The following CNMD variants were observed in gnomAD, a reference collection of about 807,000 sequenced individuals.
CNMD encodes the protein leukocyte cell-derived chemotaxin 1.
In CNMD, 30 loss-of-function variants were observed where a neutral mutation model predicts 37.5. The observed-to-expected ratio is 0.80, with a 90% CI of 0.60 to 1.09. The LOEUF is 1.09. Among genes scored for constraint, CNMD ranks in the 50% least tolerant of loss-of-function variants. CNMD has a pLI of 0.00. For missense variants in CNMD, 398 were observed against 423.9 expected (o/e 0.94, Z 0.54); for synonymous variants, 167 against 148.2 (o/e 1.13, Z -0.92).
intron 6 of CNMD, among the ~76,000 whole-genome samples, chr13:52,707,612 C>CT (rs1180736190): frequency 3.9e-5 from 6 of 152,168 alleles, no homozygotes; most frequent in African/African-American, 1.4e-4. Flanking sequence ...AGAATACTTC[C>CT]ATTCCATATG....
At chr13:52,715,355 A>C (rs1405553909) in intron 4 of CNMD, among the ~76,000 whole-genome samples, 1 of 151,916 alleles carries the variant, frequency 6.6e-6, no homozygotes, top group African/African-American at 2.4e-5. Flanking sequence ...AACTGTTTTA[A>C]TTTTTTTAAA....
chr13:52,725,079 C>T (rs905263546), intron 3 of CNMD, among the ~76,000 whole-genome samples: 5 of 152,160 alleles, frequency 3.3e-5, no homozygotes, highest in Admixed American at 2.6e-4. Flanking sequence ...TCTATATTCA[C>T]AAGCTCAGAT....
chr13:52,709,969 C>T (rs1183770629), intron 5 of CNMD, among the ~76,000 whole-genome samples: 1 of 151,978 alleles, frequency 6.6e-6, no homozygotes, highest in African/African-American at 2.4e-5. Context: ...GAAACTCCAT[C>T]TCAAAAAAAA....
In CNMD at chr13:52,712,768, T is replaced by G; in HGVS notation, c.570A>C (p.Leu190Phe). 6.3e-7 allele frequency: 1 copy of G among 1,588,882 alleles called. No homozygotes were observed. The highest frequency in any genetic ancestry group is 1.2e-5 in the South Asian group (1 of 84,468). Residue 190 changes from leucine to phenylalanine, a missense_variant, in exon 5 of 7, where the codon TTA (leucine) becomes TTC (phenylalanine). By Grantham distance (22) the Leu-to-Phe change is conservative. Coordinates refer to ENST00000377962, the MANE Select transcript of CNMD (RefSeq NM_007015.3). The part of the protein sequence containing the change: ...KDNSFLSSKV[L>F]ELCGDLPIFW... ...AAATAGGAAGGTCACCGCAGAGTTC[T>G]AACACCTTAGAACTCAAGAAGCTGT... is the stretch of plus-strand genomic sequence containing the variant.
chr13:52,737,303 T>A (rs116252734), intron 2 of CNMD, among the ~76,000 whole-genome samples: 183 of 152,334 alleles, frequency 1.2e-3, no homozygotes, highest in African/African-American at 4.2e-3. Flanking sequence ...ACTTAAGTCA[T>A]ATGGATCAGG....
At chr13:52,712,312 G>T (rs1964302380) in intron 5 of CNMD, among the ~76,000 whole-genome samples, 1 of 152,156 alleles carries the variant, frequency 6.6e-6, no homozygotes, top group Admixed American at 6.5e-5. Context: ...CATAATTCTA[G>T]GTTTGAACAC....
Position 52,738,114 on chromosome 13 carries a change from A to G in CNMD, c.213+917T>C, listed in dbSNP as rs565619294. The stretch of plus-strand genomic sequence containing the variant: ...TGGTAGGAGAGAGGAAAAAACAGCA[A>G]TCACCAATCCTCTGAGGATAGTGAT... On this transcript the variant is annotated intron_variant, in intron 2 of 6. Coordinates refer to ENST00000377962, the MANE Select transcript of CNMD (RefSeq NM_007015.3). Among the ~76,000 whole-genome samples the G allele has an allele frequency of 2.6e-5, 4 of 152,342 alleles. No individual in the cohort carries two copies. The East Asian group carries it at 7.7e-4, about 29-fold the overall frequency.
intron 4 of CNMD, among the ~76,000 whole-genome samples, chr13:52,713,968 G>C (rs1214937547): frequency 2.0e-5 from 3 of 152,002 alleles, no homozygotes; most frequent in Non-Finnish European, 2.9e-5. Context: ...TCTTTTATTG[G>C]AAGCAGCAAT....
Position 52,739,226 on chromosome 13 carries a change from C to T in CNMD, c.73-55G>A. 2 of 1,419,786 alleles carry T rather than the reference C, an allele frequency of 1.4e-6. No individual in the cohort carries two copies. The highest frequency in any genetic ancestry group is 1.8e-6 in the Non-Finnish European group (2 of 1,090,826). The allele number at this position is 1,419,786 out of a possible 1,614,324, so 87.9% of individuals were successfully genotyped here. On this transcript the variant is annotated intron_variant, in intron 1 of 6. Coordinates refer to ENST00000377962, the MANE Select transcript of CNMD (RefSeq NM_007015.3). The surrounding 1 kb of genome is among the most constrained non-coding windows in gnomAD (Gnocchi z 5.4). ...GCGTTTGTGCCGCCAGCACCTGCGG[C>T]CCCCAGCGCACCCGGGCCCCACGCG... is the stretch of plus-strand genomic sequence containing the variant.
intron 4 of CNMD, among the ~76,000 whole-genome samples, chr13:52,714,565 A>G (rs1964338431): frequency 6.6e-6 from 1 of 152,220 alleles, no homozygotes; most frequent in Non-Finnish European, 1.5e-5. Flanking sequence ...CATGGTAAAT[A>G]ATGGTATTTA....
intron 4 of CNMD, among the ~76,000 whole-genome samples, chr13:52,715,316 A>T (rs1964355683): frequency 6.6e-6 from 1 of 151,976 alleles, no homozygotes; most frequent in South Asian, 2.1e-4. Flanking sequence ...TCTGGTAATC[A>T]TCCTTCTATT....
chr13:52,730,190 T>C (rs1445393453), intron 3 of CNMD, among the ~76,000 whole-genome samples: 2 of 152,084 alleles, frequency 1.3e-5, no homozygotes, highest in African/African-American at 2.4e-5. Flanking sequence ...CCATGGTGTA[T>C]ATGTGCCACA....
intron 3 of CNMD, among the ~76,000 whole-genome samples, chr13:52,732,557 A>T (rs1476256300): frequency 2.0e-5 from 3 of 152,252 alleles, no homozygotes; most frequent in Non-Finnish European, 4.4e-5. Flanking sequence ...AACATATGCT[A>T]TAATAGGAGA....
At chr13:52,727,343 CCAGT>C (rs1229862444) in intron 3 of CNMD, among the ~76,000 whole-genome samples, 1 of 151,736 alleles carries the variant, frequency 6.6e-6, no homozygotes, top group African/African-American at 2.4e-5. Context: ...TTGAAATAAC[CCAGT>C]CAGACAAAAA....
intron 5 of CNMD, among the ~76,000 whole-genome samples, chr13:52,710,958 T>C (rs9536250): frequency 0.96 from 145,667 of 152,280 alleles, 69,689 homozygotes; most frequent in East Asian, 0.99. Context: ...TTCCGATCTC[T>C]AGTGCCCACC....
At chr13:52,735,475 G>T (rs1162913132) in intron 2 of CNMD, among the ~76,000 whole-genome samples, 1 of 152,078 alleles carries the variant, frequency 6.6e-6, no homozygotes, top group African/African-American at 2.4e-5. Context: ...AGATAAGGTT[G>T]TCACACTAGA....
chr13:52,706,844 T>C (rs900046143), intron 6 of CNMD, among the ~76,000 whole-genome samples: 8 of 152,052 alleles, frequency 5.3e-5, no homozygotes, highest in African/African-American at 1.9e-4. Context: ...GGAAACACTT[T>C]TCTTAATATA....
intron 3 of CNMD, among the ~76,000 whole-genome samples, chr13:52,728,364 G>A (rs1157046177): frequency 2.2e-5 from 2 of 91,980 alleles, no homozygotes; most frequent in South Asian, 5.0e-4. Context: ...GCGACAGAGC[G>A]AGACTCCATC....
Position 52,733,294 on chromosome 13 carries a change from G to T in CNMD, c.279C>A (p.Asp93Glu), listed in dbSNP as rs34603663. 6.2e-7 allele frequency: 1 copy of T among 1,613,342 alleles called. No homozygotes were observed. The highest frequency in any genetic ancestry group is 8.5e-7 in the Non-Finnish European group (1 of 1,179,432). ...GKLQDGSMEIDAGNNLETFKM... is the reference protein window; with the variant it reads ...GKLQDGSMEIEAGNNLETFKM... ...TAAAGGTCTCCAAGTTGTTCCCAGC[G>T]TCTATTTCCATTGACCCATCTTGTA... The change falls in exon 3 of 7, where the codon GAC becomes GAA. Residue 93 changes from aspartate to glutamate, a missense_variant. Transcript: ENST00000377962.
Sources: gnomAD v4.1 joint callset for allele counts (sites outside exome capture counted in the v4.1 genomes callset) on GRCh38, gnomAD v4.1.1 for gene constraint, Gnocchi (gnomAD v3.1) non-coding constraint, MANE v1.5 for transcripts, NCBI Gene and HGNC (gene_info 2026-07-23, HGNC 2026-07-21) for gene names.